ZNF276: variants seen among roughly 807,000 people sequenced by gnomAD.
ZNF276 encodes the protein zinc finger protein 276.
In ZNF276, 59 loss-of-function variants were observed where a neutral mutation model predicts 63.9. The ratio of observed to expected loss-of-function variants is 0.92; its 90% CI spans 0.75 to 1.15. The LOEUF (loss-of-function observed/expected upper bound fraction) is 1.15. Among genes scored for constraint, ZNF276 ranks in the 50% most tolerant of loss-of-function variants. The pLI is 0.00. For missense variants in ZNF276, 1,084 were observed against 843.8 expected (o/e 1.28, Z -3.53); for synonymous variants, 496 against 348.4 (o/e 1.42, Z -4.72).
rs761025172 is a variant in ZNF276, at chr16:89,738,117, CAT to C, written c.1717_1718del (p.Met573ValfsTer107). The C allele has an allele frequency of 1.5e-5, 24 of 1,613,800 alleles. No individual in the cohort carries two copies. Among genetic ancestry groups the C allele is most frequent in the Non-Finnish European group, 1.9e-5 (23 of 1,180,050 alleles). On this transcript the variant is annotated frameshift_variant, in exon 11 of 11. Coordinates refer to ENST00000443381, the MANE Select transcript of ZNF276 (RefSeq NM_001113525.2). LOFTEE classifies it low-confidence loss of function (END_TRUNC). ...FEKAHNLNVH[M>X]SMVHPLTQTQ... ...AGAAGGCCCACAACCTCAATGTACACATGTCCATGGTGCACCCGCTGACACAG... is the reference window on the plus strand; with the variant it reads ...AGAAGGCCCACAACCTCAATGTACACGTCCATGGTGCACCCGCTGACACAG...
rs377704924 is a variant in ZNF276, at chr16:89,721,805, G to T, written c.165G>T (p.Gly55=). 7.3e-6 allele frequency: 9 copies of T among 1,238,622 alleles called. No homozygotes were observed. The highest frequency in any genetic ancestry group is 6.5e-5 in the East Asian group (2 of 30,820). 76.7% of individuals were successfully genotyped at this position (1,238,622 alleles called of 1,614,324 possible). A position where few individuals can be genotyped will look rare whatever the true frequency, so the allele number is the denominator to read the frequency against. ...CGCGGCGCGCCTGGGGCCCGGTGGG[G>T]TCCTGCGGGGACGCGGGCGAGGACG... ...ATARRAWGPV[G]SCGDAGEDGA... is the part of the protein sequence containing the mutation. Residue 55 remains glycine, a synonymous_variant, in exon 1 of 11, where the codon GGG becomes GGT. Transcript: ENST00000443381.
upstream of ZNF276, chr16:89,721,447 C>A (rs1021563004): frequency 1.0e-5 from 5 of 477,148 alleles, no homozygotes; most frequent in African/African-American, 6.2e-5. Flanking sequence ...GCGCTGGCAC[C>A]GCGGGTGGAA....
rs1249236368 is a variant in ZNF276 at position 89,723,450 on chromosome 16, G to A, written c.747G>A (p.Lys249=). Residue 249 remains lysine, a synonymous_variant, in exon 4 of 11, where the codon AAG becomes AAA. Coordinates refer to ENST00000443381, the MANE Select transcript of ZNF276 (RefSeq NM_001113525.2). The part of the protein sequence containing the change: ...DYTMDTSSSC[K]AFLLDSALAV... The stretch of plus-strand genomic sequence containing the variant: ...CCATGGATACCAGCTCCAGCTGCAA[G>A]GCCTTCTTGCTGGACAGTGCGCTGG... 8.7e-6 allele frequency: 14 copies of A among 1,612,938 alleles called. No individual in the cohort carries two copies. The highest frequency in any genetic ancestry group is 1.2e-5 in the Non-Finnish European group (14 of 1,180,042).
At position 89,737,794 on chromosome 16, in the gene ZNF276, C is replaced by A; in HGVS notation, c.1475-12C>A. 1.2e-6 allele frequency: 2 copies of A among 1,614,168 alleles called. No homozygotes were observed. Among genetic ancestry groups the A allele is most frequent in the Non-Finnish European group, 1.7e-6 (2 of 1,180,036 alleles). Reference sequence around the variant, plus strand: ...ATCAGGGGCCTGGACTCACTGGACTCTCCCCTCTCAGAGGTGCGGAACTAT... The same window carrying A: ...ATCAGGGGCCTGGACTCACTGGACTATCCCCTCTCAGAGGTGCGGAACTAT... On this transcript the variant is annotated splice_polypyrimidine_tract_variant and intron_variant, in intron 9 of 10. Transcript: ENST00000443381.
In ZNF276 at chr16:89,739,225, C is replaced by A. The variant is rs1555533313; in HGVS notation, c.*979C>A. 1 of 1,614,144 alleles carries A rather than the reference C, an allele frequency of 6.2e-7. No individual in the cohort carries two copies. ...AGCTGGACCAGCTTCAAGTACATGT[C>A]CACAGCAACATGCAGGAAGGCCTCT... On this transcript the variant is annotated 3_prime_UTR_variant, in exon 11 of 11. Transcript: ENST00000443381.
rs1376616221 is a variant in ZNF276 at position 89,723,156 on chromosome 16, A to G, written c.529A>G (p.Thr177Ala). 1 of 1,613,084 alleles carries G rather than the reference A, an allele frequency of 6.2e-7. No homozygotes were observed. Among genetic ancestry groups the G allele is most frequent in the Non-Finnish European group, 8.5e-7 (1 of 1,180,024 alleles). Reference sequence around the variant, plus strand: ...TTGCAGGGTCGGTGCCCAGCCCCCAACAGGGGCAGAGGAGGGAGCGTGTCT... The same window carrying G: ...TTGCAGGGTCGGTGCCCAGCCCCCAGCAGGGGCAGAGGAGGGAGCGTGTCT... Reference protein sequence around the residue: ...PCAKVGAQPPTGAEEGACLVD... With the variant: ...PCAKVGAQPPAGAEEGACLVD... The change falls in exon 3 of 11, where the codon ACA (threonine) becomes GCA (alanine). Residue 177 changes from threonine (T) to alanine (A), a missense_variant. Coordinates refer to ENST00000443381, the MANE Select transcript of ZNF276 (RefSeq NM_001113525.2).
chr16:89,739,831 C>G lies in ZNF276; in HGVS notation c.*1585C>G, dbSNP rs1461106894. On this transcript the variant is annotated 3_prime_UTR_variant, in exon 11 of 11. Transcript: ENST00000443381. ...GTTGACCAGTGAGCCAGTAAATTAT[C>G]TTATTGCTTTAAACAAGTTTGTGCT... 1.0e-5 allele frequency: 15 copies of G among 1,483,228 alleles called. No homozygotes were observed. The highest frequency in any genetic ancestry group is 1.3e-5 in the Non-Finnish European group (14 of 1,119,964). The allele number at this position is 1,483,228 out of a possible 1,614,324, so 91.9% of individuals were successfully genotyped here. A position where few individuals can be genotyped will look rare whatever the true frequency, so the allele number is the denominator to read the frequency against.
chr16:89,730,621 C>T (rs948901728), intron 6 of ZNF276, among the ~76,000 whole-genome samples: 4 of 152,152 alleles, frequency 2.6e-5, no homozygotes, highest in African/African-American at 7.2e-5. Flanking sequence ...ACGGGAGATA[C>T]GTTTTCAGAG....
At chr16:89,737,742 ATCG>A in intron 9 of ZNF276, 61 bp from the exon 10 acceptor site, 2 of 1,606,376 alleles carry the variant, frequency 1.2e-6, no homozygotes, top group Non-Finnish European at 1.7e-6. Context: ...TCACATTGTC[ATCG>A]TCGTCCCCCC....
upstream of ZNF276, chr16:89,720,675 C>T (rs149705807): frequency 0.03 from 37,679 of 1,270,824 alleles, 638 homozygotes; most frequent in Middle Eastern, 0.052. Context: ...GTCTCCAGCC[C>T]GAGCCGGCCC....
chr16:89,728,443 G>T (rs1020487077), intron 5 of ZNF276, among the ~76,000 whole-genome samples: 1 of 151,686 alleles, frequency 6.6e-6, no homozygotes, highest in Non-Finnish European at 1.5e-5. Flanking sequence ...TCGCTGTGTT[G>T]CCCAGGCTGG....
At chr16:89,734,326 A>ATTT (rs2061776813) in intron 9 of ZNF276, among the ~76,000 whole-genome samples, 1 of 10,650 alleles carries the variant, frequency 9.4e-5, no homozygotes, top group African/African-American at 1.2e-4. Flanking sequence ...TGGTCATTTT[A>ATTT]TTTTTTAATT....
At chr16:89,730,859 G>A (rs1223555555) in intron 6 of ZNF276, among the ~76,000 whole-genome samples, 6 of 152,190 alleles carry the variant, frequency 3.9e-5, no homozygotes, top group Non-Finnish European at 7.3e-5. Context: ...GGGCGTGCCC[G>A]CCTGTGTCCT....
At chr16:89,724,663 AC>A (rs759688333) in intron 4 of ZNF276, among the ~76,000 whole-genome samples, 19 of 152,178 alleles carry the variant, frequency 1.2e-4, no homozygotes, top group Non-Finnish European at 2.1e-4. Flanking sequence ...AAACACAGCT[AC>A]CCAGATAGTT....
chr16:89,720,790 G>T (rs546341547), upstream of ZNF276: 18 of 1,459,676 alleles, frequency 1.2e-5, no homozygotes, highest in Non-Finnish European at 1.6e-5. Context: ...TGTCCAGCTC[G>T]ATGGCCCCGT....
intron 5 of ZNF276, 125 bp from the exon 6 acceptor site, chr16:89,729,110 A>G: frequency 1.3e-6 from 1 of 778,634 alleles, no homozygotes; most frequent in East Asian, 2.5e-5. Flanking sequence ...TAGATTTAAG[A>G]CATTTTCAGA....
chr16:89,731,311 T>C lies in ZNF276; in HGVS notation c.1170-1991T>C, dbSNP rs533874864. On this transcript the variant is annotated intron_variant, in intron 6 of 10. Coordinates refer to ENST00000443381, the MANE Select transcript of ZNF276 (RefSeq NM_001113525.2). The stretch of plus-strand genomic sequence containing the variant: ...CTCTGTTGCCCAGACTGGAGTGCAG[T>C]GGCACGATCTTGGCTCACTGCAACC... Among the ~76,000 whole-genome samples the C allele has an allele frequency of 4.7e-4, 72 of 152,356 alleles. 1 individual carries two copies. The South Asian group carries it at 0.013, about 28-fold the overall frequency.
rs777475286 is a variant in ZNF276 at position 89,723,507 on chromosome 16, G to A, written c.804G>A (p.Ala268=). 34 of 1,612,774 alleles carry A rather than the reference G, an allele frequency of 2.1e-5. No homozygotes were observed. The highest frequency in any genetic ancestry group is 1.3e-4 in the Admixed American group (8 of 60,010). ...AGTGGCCATGGGACAAAGAGACGGCGCCACGGCTGCCCCAGCACCGAGGGT... is the reference window on the plus strand; with the variant it reads ...AGTGGCCATGGGACAAAGAGACGGCACCACGGCTGCCCCAGCACCGAGGGT... The part of the protein sequence containing the change: ...AVKWPWDKET[A]PRLPQHRGWN... The change falls in exon 4 of 11, where the codon GCG becomes GCA. Residue 268 remains alanine, a synonymous_variant. Coordinates refer to ENST00000443381, the MANE Select transcript of ZNF276 (RefSeq NM_001113525.2).
intron 1 of ZNF276, among the ~76,000 whole-genome samples, 177 bp from the exon 2 acceptor site, chr16:89,722,354 G>T (rs1484482790): frequency 6.6e-6 from 1 of 152,244 alleles, no homozygotes. Context: ...TGGACCAGCG[G>T]CCACATCCCC....
Sources: gnomAD v4.1 joint callset for allele counts (sites outside exome capture counted in the v4.1 genomes callset) on GRCh38, gnomAD v4.1.1 for gene constraint, MANE v1.5 for transcripts, NCBI Gene and HGNC (gene_info 2026-07-23, HGNC 2026-07-21) for gene names.